ZNF143: variants seen among roughly 807,000 people sequenced by gnomAD.
ZNF143 encodes SPH-binding factor.
ZNF143 carries 49 observed loss-of-function variants against 74.1 expected under a neutral mutation model. The ratio of observed to expected loss-of-function variants is 0.66; its 90% CI spans 0.53 to 0.84. The LOEUF (loss-of-function observed/expected upper bound fraction) is 0.84. ZNF143 is among the 40% of genes least tolerant of loss of function. The probability of loss-of-function intolerance (pLI) is 0.00; values close to 1 mark genes in which losing one functional copy is unlikely to be tolerated. For synonymous variants in ZNF143, 304 were observed against 282.8 expected (o/e 1.07, Z -0.75); for missense variants, 637 against 793.4 (o/e 0.80, Z 2.37).
At chr11:9,518,398 A>G (rs918464305) in intron 14 of ZNF143, among the ~76,000 whole-genome samples, 1 of 152,218 alleles carries the variant, frequency 6.6e-6, no homozygotes, top group East Asian at 1.9e-4. Flanking sequence ...ACATGAAAAG[A>G]TGTTCAACAT....
chr11:9,500,514 A>ACCT (rs1425142933), intron 10 of ZNF143, among the ~76,000 whole-genome samples: 1 of 151,128 alleles, frequency 6.6e-6, no homozygotes, highest in Admixed American at 6.6e-5. Context: ...GCTCACTGCA[A>ACCT]CCTCCGCCTC....
At chr11:9,470,024 T>C (rs558254905) in intron 1 of ZNF143, among the ~76,000 whole-genome samples, 17 of 152,244 alleles carry the variant, frequency 1.1e-4, no homozygotes, top group Non-Finnish European at 1.8e-4. Context: ...CTTTTAAATA[T>C]TGATGCTAAG....
At position 9,486,175 on chromosome 11, in the gene ZNF143, C is replaced by G. The variant is rs183826671; in HGVS notation, c.645+6629C>G. The stretch of plus-strand genomic sequence containing the variant: ...CCATGGGGGCCAATTAGACAGTGTA[C>G]GTAAAGCAGCCACCACAGTGCATCA... On this transcript the variant is annotated intron_variant, in intron 7 of 15. Coordinates refer to ENST00000396602, the MANE Select transcript of ZNF143 (RefSeq NM_003442.6). Among the ~76,000 whole-genome samples, 786 of 146,958 alleles carry G rather than the reference C, an allele frequency of 5.3e-3. 35 individuals are homozygous for G. The highest frequency in any genetic ancestry group is 0.02 in the African/African-American group (754 of 38,544).
chr11:9,523,079 AATTTTTAAATTGC>A (rs1848995540), intron 14 of ZNF143, among the ~76,000 whole-genome samples: 1 of 152,166 alleles, frequency 6.6e-6, no homozygotes, highest in South Asian at 2.1e-4. Flanking sequence ...AAGCAATTGT[AATTTTTAAATTGC>A]ATTCTGGACC....
At chr11:9,511,515 G>T (rs1276202600) in intron 12 of ZNF143, among the ~76,000 whole-genome samples, 2 of 151,192 alleles carry the variant, frequency 1.3e-5, no homozygotes, top group Non-Finnish European at 1.5e-5. Context: ...TGTTAGCCAG[G>T]ATGGTCTCGA....
At chr11:9,508,582 T>C (rs1257152724) in intron 11 of ZNF143, 37 bp from the exon 12 acceptor site, 10 of 1,590,330 alleles carry the variant, frequency 6.3e-6, no homozygotes, top group Non-Finnish European at 8.5e-6. Context: ...TGCCTACATA[T>C]GTAAAAGTTG....
intron 14 of ZNF143, among the ~76,000 whole-genome samples, chr11:9,516,749 A>G (rs113687856): frequency 2.6e-5 from 4 of 152,354 alleles, no homozygotes; most frequent in African/African-American, 4.8e-5. Flanking sequence ...AAATATATAC[A>G]GGTATGTAAT....
At chr11:9,513,866 C>T (rs1245343939) in intron 13 of ZNF143, among the ~76,000 whole-genome samples, 1 of 152,162 alleles carries the variant, frequency 6.6e-6, no homozygotes, top group Non-Finnish European at 1.5e-5. Context: ...CCGGCCTGGA[C>T]ATTGGAGTGA....
At chr11:9,476,512 A>G (rs1180438160) in intron 5 of ZNF143, among the ~76,000 whole-genome samples, 1 of 151,190 alleles carries the variant, frequency 6.6e-6, no homozygotes, top group Non-Finnish European at 1.5e-5. Context: ...AGCTGAGATT[A>G]CAGGTGCCCG....
intron 7 of ZNF143, among the ~76,000 whole-genome samples, chr11:9,491,116 T>C (rs1205237929): frequency 6.6e-6 from 1 of 152,190 alleles, no homozygotes; most frequent in Non-Finnish European, 1.5e-5. Context: ...CTGGGCACAG[T>C]GGTACATGCC....
At position 9,525,401 on chromosome 11, in the gene ZNF143, A is replaced by G. The variant is rs1053785609; in HGVS notation, c.1833+15A>G. On this transcript the variant is annotated intron_variant, in intron 15 of 15. Transcript: ENST00000396602. The stretch of plus-strand genomic sequence containing the variant: ...TTGCAGTTCAGGTGAGTACCAAGGC[A>G]TACTGTCCTCAGTCGACAGCAGTGC... 6.2e-7 allele frequency: 1 copy of G among 1,614,026 alleles called. No homozygotes were observed.
intron 5 of ZNF143, among the ~76,000 whole-genome samples, chr11:9,476,218 A>C (rs1455125444): frequency 6.6e-6 from 1 of 151,954 alleles, no homozygotes; most frequent in Non-Finnish European, 1.5e-5. Flanking sequence ...CATCTGTAAA[A>C]TGAGGATTAT....
At chr11:9,483,287 C>CTTTTT (rs1847321716) in intron 7 of ZNF143, among the ~76,000 whole-genome samples, 5 of 64,714 alleles carry the variant, frequency 7.7e-5, no homozygotes, top group Admixed American at 1.6e-4. Context: ...AGCCAACATG[C>CTTTTT]CTTTTTTTTT....
At chr11:9,517,892 T>C (rs1848777573) in intron 14 of ZNF143, among the ~76,000 whole-genome samples, 1 of 152,114 alleles carries the variant, frequency 6.6e-6, no homozygotes, top group South Asian at 2.1e-4. Flanking sequence ...TTGGACTTAA[T>C]CAAAATTAAT....
intron 7 of ZNF143, among the ~76,000 whole-genome samples, chr11:9,487,609 G>A (rs1413211128): frequency 1.3e-5 from 2 of 152,054 alleles, no homozygotes; most frequent in African/African-American, 2.4e-5. Flanking sequence ...CGCCTGCCTC[G>A]GCCTCCCAGA....
chr11:9,510,762 A>G (rs1003447763), intron 12 of ZNF143, among the ~76,000 whole-genome samples: 4 of 151,908 alleles, frequency 2.6e-5, no homozygotes, highest in African/African-American at 7.3e-5. Context: ...TTCTGACTTC[A>G]TGGGAGGTAG....
At chr11:9,526,054 G>A (rs1849115266) in intron 15 of ZNF143, among the ~76,000 whole-genome samples, 1 of 152,052 alleles carries the variant, frequency 6.6e-6, no homozygotes, top group Non-Finnish European at 1.5e-5. Context: ...TGAGGCAGGA[G>A]GATTACTTGT....
At chr11:9,471,930 CTTTTG>C (rs1439549472) in intron 2 of ZNF143, among the ~76,000 whole-genome samples, 2 of 116,108 alleles carry the variant, frequency 1.7e-5, no homozygotes, top group African/African-American at 6.8e-5. Context: ...CTTTTCTTTT[CTTTTG>C]TTTTTTTTTT....
At chr11:9,496,464 G>A in intron 9 of ZNF143, 86 bp downstream of exon 9, 1 of 1,137,188 alleles carries the variant, frequency 8.8e-7, no homozygotes, top group Non-Finnish European at 1.3e-6. Context: ...CCCCTTGGCT[G>A]TGTCTGAATC....
Sources: allele counts gnomAD v4.1 joint callset (sites outside exome capture counted in the v4.1 genomes callset), GRCh38; gene constraint gnomAD v4.1.1; transcripts MANE v1.5; gene names NCBI Gene and HGNC (gene_info 2026-07-23, HGNC 2026-07-21).